CFAP299: variants seen among roughly 807,000 people sequenced by gnomAD.
CFAP299 encodes the protein cilia- and flagella-associated protein 299.
A neutral mutation model predicts 27.0 loss-of-function variants in CFAP299; 21 were observed. The ratio of observed to expected loss-of-function variants is 0.78; its 90% CI spans 0.55 to 1.12. The LOEUF (loss-of-function observed/expected upper bound fraction) is 1.12. CFAP299 is among the 50% of genes most tolerant of loss of function. The pLI is 0.00. For missense variants in CFAP299, 310 were observed against 276.6 expected (o/e 1.12, Z -0.86); for synonymous variants, 104 against 98.1 (o/e 1.06, Z -0.36).
chr4:80,680,927 G>A (rs1471875033), intron 3 of CFAP299, among the ~76,000 whole-genome samples: 1 of 152,086 alleles, frequency 6.6e-6, no homozygotes, highest in Non-Finnish European at 1.5e-5. Flanking sequence ...AAGGAATGGA[G>A]AGCTCAGTGT....
At chr4:80,928,198 G>A (rs1353388) in intron 4 of CFAP299, among the ~76,000 whole-genome samples, 46,222 of 151,788 alleles carry the variant, frequency 0.3, 10,431 homozygotes, top group African/African-American at 0.63. Flanking sequence ...GTGCTCTTTA[G>A]CTGCACGTCT....
chr4:80,740,423 T>C (rs1393391733), intron 3 of CFAP299, among the ~76,000 whole-genome samples: 1 of 152,174 alleles, frequency 6.6e-6, no homozygotes, highest in Non-Finnish European at 1.5e-5. Context: ...ATTCTCTGGA[T>C]TACCAGGCAG....
intron 3 of CFAP299, among the ~76,000 whole-genome samples, chr4:80,622,936 C>T (rs1738682039): frequency 6.6e-6 from 1 of 152,166 alleles, no homozygotes; most frequent in South Asian, 2.1e-4. Flanking sequence ...ATATTTGTAA[C>T]TATGAGCTTG....
intron 5 of CFAP299, 138 bp downstream of exon 5, chr4:80,945,077 C>T: frequency 2.6e-6 from 2 of 765,350 alleles, no homozygotes; most frequent in East Asian, 5.2e-5. Context: ...AAACTTAGAG[C>T]ATGTACTACC....
At chr4:80,456,298 G>A (rs1240560603) in intron 2 of CFAP299, among the ~76,000 whole-genome samples, 3 of 152,034 alleles carry the variant, frequency 2.0e-5, no homozygotes, top group African/African-American at 7.2e-5. Context: ...ACATTAGAGG[G>A]CTTTGCTCAG....
At chr4:80,555,214 T>G (rs1313101361) in intron 2 of CFAP299, among the ~76,000 whole-genome samples, 1 of 152,134 alleles carries the variant, frequency 6.6e-6, no homozygotes, top group African/African-American at 2.4e-5. Context: ...GAAGGGGTGT[T>G]GAATTTTATT....
rs1019527780 is a variant in CFAP299 at position 80,737,350 on chromosome 4, A to T, written c.334-132643A>T. ...AAAAAAAAATAAAATAAAAAAGCAG[A>T]AAAAAGAATGGTATTATTTCTTCTT... is the stretch of plus-strand genomic sequence containing the variant. On this transcript the variant is annotated intron_variant, in intron 3 of 5. Transcript: ENST00000358105. 4.6e-5 allele frequency among the ~76,000 whole-genome samples: 7 copies of T among 152,126 alleles called. 1 individual carries two copies. The highest frequency in any genetic ancestry group is 3.9e-4 in the Admixed American group (6 of 15,256).
At chr4:80,707,734 C>A (rs760755721) in intron 3 of CFAP299, among the ~76,000 whole-genome samples, 4 of 152,028 alleles carry the variant, frequency 2.6e-5, no homozygotes, top group Non-Finnish European at 5.9e-5. Flanking sequence ...TATATAAAAT[C>A]AATTCTAGCG....
At chr4:80,864,945 C>A (rs2110162892) in intron 3 of CFAP299, among the ~76,000 whole-genome samples, 1 of 152,142 alleles carries the variant, frequency 6.6e-6, no homozygotes, top group Non-Finnish European at 1.5e-5. Context: ...ACTAACTTAC[C>A]AGTGTCACAC....
intron 3 of CFAP299, among the ~76,000 whole-genome samples, chr4:80,855,579 CCA>C (rs1731813598): frequency 6.6e-6 from 1 of 152,092 alleles, no homozygotes; most frequent in South Asian, 2.1e-4. Flanking sequence ...ACAACAGTCC[CCA>C]GAGTGTGATG....
chr4:80,329,208 CATATATATAT>C, the CFAP299 span, among the ~76,000 whole-genome samples: 2 of 136,042 alleles, frequency 1.5e-5, no homozygotes, highest in Admixed American at 7.3e-5. Flanking sequence ...ACACTGTATA[CATATATATAT>C]ATATATATAT....
intron 2 of CFAP299, among the ~76,000 whole-genome samples, chr4:80,533,497 C>T (rs1294750648): frequency 6.6e-6 from 1 of 152,012 alleles, no homozygotes; most frequent in Non-Finnish European, 1.5e-5. Flanking sequence ...AGGGTGGGTA[C>T]CTTTTGCAAT....
chr4:80,436,643 TC>T (rs1029058016), intron 2 of CFAP299, among the ~76,000 whole-genome samples: 1 of 152,180 alleles, frequency 6.6e-6, no homozygotes, highest in Admixed American at 6.5e-5. Context: ...CCTTTCTGCC[TC>T]CCTTTCTCCA....
intron 2 of CFAP299, among the ~76,000 whole-genome samples, chr4:80,462,720 A>C (rs1404867129): frequency 6.6e-6 from 1 of 152,098 alleles, no homozygotes; most frequent in Non-Finnish European, 1.5e-5. Context: ...TGTTTACCAA[A>C]CCACGTGATC....
At chr4:80,803,090 T>C (rs1728694376) in intron 3 of CFAP299, among the ~76,000 whole-genome samples, 2 of 152,104 alleles carry the variant, frequency 1.3e-5, no homozygotes, top group Admixed American at 1.3e-4. Flanking sequence ...ATCTCATCAG[T>C]GATGGGAAGA....
chr4:80,397,988 G>A (rs1421756077), intron 2 of CFAP299, among the ~76,000 whole-genome samples: 1 of 152,160 alleles, frequency 6.6e-6, no homozygotes, highest in African/African-American at 2.4e-5. Context: ...CTTCAGCAAA[G>A]TCTCAGGATA....
At chr4:80,891,846 A>G (rs1311818286) in intron 4 of CFAP299, among the ~76,000 whole-genome samples, 160 of 145,966 alleles carry the variant, frequency 1.1e-3, no homozygotes, top group African/African-American at 3.8e-3. Flanking sequence ...AAAAAAAAAA[A>G]AAAGAAATTG....
chr4:80,438,341 C>A (rs990038060), intron 2 of CFAP299, among the ~76,000 whole-genome samples: 5 of 152,232 alleles, frequency 3.3e-5, no homozygotes, highest in South Asian at 2.1e-4. Flanking sequence ...TTCCAGGGGG[C>A]CTAATGTGTC....
intron 3 of CFAP299, among the ~76,000 whole-genome samples, chr4:80,859,979 T>C (rs1313420487): frequency 6.6e-6 from 1 of 152,182 alleles, no homozygotes; most frequent in Non-Finnish European, 1.5e-5. Context: ...TTGGGGAAGT[T>C]CTCCTGGATA....
Sources: gnomAD v4.1 joint callset for allele counts (sites outside exome capture counted in the v4.1 genomes callset) on GRCh38, gnomAD v4.1.1 for gene constraint, MANE v1.5 for transcripts, NCBI Gene and HGNC (gene_info 2026-07-23, HGNC 2026-07-21) for gene names.